FRMD4A: variants seen among roughly 807,000 people sequenced by gnomAD.
FRMD4A encodes FERM domain-containing protein 4A.
In FRMD4A, 29 loss-of-function variants were observed where a neutral mutation model predicts 129.1. That is an observed-to-expected ratio of 0.22 (90% CI 0.17 to 0.31). The LOEUF (loss-of-function observed/expected upper bound fraction) is 0.31, where lower values mean the gene tolerates loss of function less well. Ranked by LOEUF, FRMD4A falls within the 10% of genes least tolerant of loss-of-function variation. FRMD4A has a pLI of 1.00. For synonymous variants in FRMD4A, 634 were observed against 571.6 expected, an observed-to-expected ratio of 1.11 and a Z score of -1.56; for missense variants, 1,272 against 1,375.8, an observed-to-expected ratio of 0.92 and a Z score of 1.19.
At chr10:14,277,091 C>T (rs1845367812) in intron 2 of FRMD4A, among the ~76,000 whole-genome samples, 1 of 152,152 alleles carries the variant, frequency 6.6e-6, no homozygotes, top group African/African-American at 2.4e-5. Flanking sequence ...TCTTGAACTC[C>T]TGGATTTGAG....
chr10:14,201,920 G>A (rs569882571), intron 2 of FRMD4A, among the ~76,000 whole-genome samples: 1 of 152,158 alleles, frequency 6.6e-6, no homozygotes, highest in African/African-American at 2.4e-5. Context: ...CATAAGGTCA[G>A]GAGTTTGAGA....
chr10:13,863,428 A>G (rs1419852757), intron 2 of FRMD4A, among the ~76,000 whole-genome samples: 1 of 13,578 alleles, frequency 7.4e-5, no homozygotes, highest in Non-Finnish European at 1.2e-4. Context: ...CTAAAAATAC[A>G]AAAAAAAAAA....
intron 2 of FRMD4A, among the ~76,000 whole-genome samples, chr10:14,148,378 G>A (rs184418138): frequency 1.1e-4 from 16 of 152,290 alleles, no homozygotes; most frequent in Admixed American, 4.6e-4. Flanking sequence ...TCTCAACCAG[G>A]AACTTGCCTT....
intron 2 of FRMD4A, among the ~76,000 whole-genome samples, chr10:14,002,834 G>C (rs2095647197): frequency 6.6e-6 from 1 of 152,194 alleles, no homozygotes; most frequent in South Asian, 2.1e-4. Flanking sequence ...GGGGTGGAGG[G>C]AGGAGGCAGA....
chr10:13,740,833 T>TTTTG (rs1160920842), intron 9 of FRMD4A, among the ~76,000 whole-genome samples: 1 of 145,398 alleles, frequency 6.9e-6, no homozygotes, highest in East Asian at 2.0e-4. Flanking sequence ...GTTTGTTTTT[T>TTTTG]TTTTTTTTTT....
intron 2 of FRMD4A, among the ~76,000 whole-genome samples, chr10:14,140,191 C>T (rs10906613): frequency 3.3e-5 from 5 of 151,872 alleles, no homozygotes; most frequent in African/African-American, 1.2e-4. Flanking sequence ...CCTCCTGAGT[C>T]GCTGGGACTA....
chr10:13,923,377 C>A (rs369221288), intron 2 of FRMD4A, among the ~76,000 whole-genome samples: 5 of 152,160 alleles, frequency 3.3e-5, no homozygotes, highest in Non-Finnish European at 5.9e-5. Flanking sequence ...TTCCTGAGTG[C>A]GACATTTTCT....
At chr10:14,140,638 GC>G (rs1330212474) in intron 2 of FRMD4A, among the ~76,000 whole-genome samples, 1 of 152,086 alleles carries the variant, frequency 6.6e-6, no homozygotes, top group Non-Finnish European at 1.5e-5. Flanking sequence ...TCATTCATGT[GC>G]ATTCTGAAAT....
chr10:14,039,455 AATCTATCTATCT>A (rs71388152), intron 2 of FRMD4A, among the ~76,000 whole-genome samples: 4,900 of 64,260 alleles, frequency 0.076, 123 homozygotes, highest in South Asian at 0.099. Flanking sequence ...AAAATCAATC[AATCTATCTATCT>A]ATCTATCTAT....
chr10:13,733,477 C>T (rs2090441914), intron 12 of FRMD4A, among the ~76,000 whole-genome samples: 1 of 152,072 alleles, frequency 6.6e-6, no homozygotes, highest in Non-Finnish European at 1.5e-5. Flanking sequence ...CTCTGGAGTG[C>T]AGTGGCGAAA....
chr10:13,777,594 T>G (rs936425914), intron 6 of FRMD4A, among the ~76,000 whole-genome samples: 16 of 152,078 alleles, frequency 1.1e-4, no homozygotes, highest in Non-Finnish European at 1.9e-4. Context: ...GCTGCAAAGG[T>G]GTCATCACCT....
At chr10:13,875,443 A>G (rs186065565) in intron 2 of FRMD4A, among the ~76,000 whole-genome samples, 161 of 152,318 alleles carry the variant, frequency 1.1e-3, no homozygotes, top group African/African-American at 2.7e-3. Flanking sequence ...GCAGGCATGC[A>G]TATCAGATTT....
chr10:14,049,308 A>C (rs966985406), intron 2 of FRMD4A, among the ~76,000 whole-genome samples: 8 of 152,194 alleles, frequency 5.3e-5, no homozygotes, highest in Non-Finnish European at 1.2e-4. Flanking sequence ...TTGTCCATGT[A>C]AGTAATTAAT....
intron 12 of FRMD4A, among the ~76,000 whole-genome samples, chr10:13,731,649 C>CAAA (rs35512356): frequency 0.047 from 5,429 of 116,378 alleles, 264 homozygotes; most frequent in East Asian, 0.14. Context: ...GACTTCATCT[C>CAAA]AAAAAAAAAA....
intron 17 of FRMD4A, among the ~76,000 whole-genome samples, 200 bp downstream of exon 17, chr10:13,670,206 A>G (rs1343764800): frequency 6.6e-6 from 1 of 152,130 alleles, no homozygotes; most frequent in East Asian, 1.9e-4. Context: ...CAGACACCCA[A>G]ATGCCTGCAA....
At chr10:14,147,358 T>C (rs573190616) in intron 2 of FRMD4A, among the ~76,000 whole-genome samples, 30 of 152,244 alleles carry the variant, frequency 2.0e-4, no homozygotes, top group Non-Finnish European at 3.4e-4. Context: ...CCTGACCATT[T>C]TGGCATCAGG....
chr10:14,077,663 A>G (rs745401302), intron 2 of FRMD4A, among the ~76,000 whole-genome samples: 17 of 152,210 alleles, frequency 1.1e-4, no homozygotes, highest in Admixed American at 3.3e-4. Context: ...TTGATGTTGC[A>G]TCTGTGAGAA....
intron 2 of FRMD4A, among the ~76,000 whole-genome samples, chr10:14,284,240 C>A (rs1341521662): frequency 1.3e-5 from 2 of 152,028 alleles, no homozygotes; most frequent in South Asian, 4.1e-4. Flanking sequence ...GTCACAATAC[C>A]CATAATCATC....
rs1401587369 is a variant in FRMD4A, at chr10:13,725,747, C to T, written c.759+12097G>A. ...CAGTGACCAACAAAAAAATAACCCT[C>T]TTCACAAAGAGACGTTGTTTGCTTT... On this transcript the variant is annotated intron_variant, in intron 12 of 24. Coordinates refer to ENST00000357447, the MANE Select transcript of FRMD4A (RefSeq NM_018027.5). Among the ~76,000 whole-genome samples the T allele has an allele frequency of 5.3e-5, 8 of 152,216 alleles. 1 individual carries two copies. The highest frequency in any genetic ancestry group is 5.2e-4 in the Admixed American group (8 of 15,286).
Sources: allele counts gnomAD v4.1 joint callset (sites outside exome capture counted in the v4.1 genomes callset), GRCh38; gene constraint gnomAD v4.1.1; transcripts MANE v1.5; gene names NCBI Gene and HGNC (gene_info 2026-07-23, HGNC 2026-07-21).